Variants in MRTFB observed in about 807,000 individuals in gnomAD.
MRTFB encodes the protein myocardin related transcription factor B, also known as myocardin-related transcription factor B.
MRTFB carries 29 observed loss-of-function variants against 104.2 expected under a neutral mutation model. The observed-to-expected ratio is 0.28, with a 90% confidence interval of 0.21 to 0.38. The LOEUF is 0.38. Ranked by LOEUF, MRTFB falls within the 10% of genes least tolerant of loss-of-function variation. MRTFB has a pLI of 1.00. For synonymous variants in MRTFB, 535 were observed against 519.5 expected (o/e 1.03, Z -0.41); for missense variants, 1,270 against 1,341.6 (o/e 0.95, Z 0.83).
chr16:14,120,501 G>C (rs1019317760), intron 2 of MRTFB, among the ~76,000 whole-genome samples: 1 of 152,158 alleles, frequency 6.6e-6, no homozygotes, highest in African/African-American at 2.4e-5. Context: ...TTTTCCACGT[G>C]AGTAAACTGG....
the MRTFB span, among the ~76,000 whole-genome samples, chr16:14,038,506 G>C: frequency 6.6e-6 from 1 of 152,150 alleles, no homozygotes; most frequent in South Asian, 2.1e-4. Flanking sequence ...CAATCTTTCT[G>C]ATTACATGAG....
chr16:14,090,320 C>A (rs1016351909), intron 2 of MRTFB, among the ~76,000 whole-genome samples: 2 of 152,218 alleles, frequency 1.3e-5, no homozygotes. Flanking sequence ...ATTCTCAGCT[C>A]ATTCAATGTG....
the MRTFB span, among the ~76,000 whole-genome samples, chr16:14,038,592 C>T: frequency 1.3e-5 from 2 of 152,292 alleles, no homozygotes; most frequent in South Asian, 2.1e-4. Context: ...GGTGAGTGGG[C>T]CTCAGACACA....
At chr16:14,183,873 C>T (rs1355419924) in intron 3 of MRTFB, among the ~76,000 whole-genome samples, 2 of 151,752 alleles carry the variant, frequency 1.3e-5, no homozygotes, top group Non-Finnish European at 2.9e-5. Flanking sequence ...CTATTAGATA[C>T]AAAAATAAGC....
At chr16:13,994,949 G>A in the MRTFB span, among the ~76,000 whole-genome samples, 1 of 152,160 alleles carries the variant, frequency 6.6e-6, no homozygotes, top group African/African-American at 2.4e-5. Flanking sequence ...GGGTGGGCTT[G>A]AAACCCAGAC....
At chr16:14,119,358 A>G (rs908782702) in intron 2 of MRTFB, among the ~76,000 whole-genome samples, 5 of 152,194 alleles carry the variant, frequency 3.3e-5, no homozygotes, top group African/African-American at 1.2e-4. Flanking sequence ...AGTAGGTTAT[A>G]GTTTGTTTAT....
intron 8 of MRTFB, among the ~76,000 whole-genome samples, chr16:14,227,462 G>T (rs890417590): frequency 2.6e-5 from 4 of 152,096 alleles, no homozygotes; most frequent in Non-Finnish European, 5.9e-5. Flanking sequence ...ACAATCTGCA[G>T]AATCGTGAGC....
chr16:14,214,288 C>A (rs145159518), intron 6 of MRTFB, among the ~76,000 whole-genome samples: 1 of 152,134 alleles, frequency 6.6e-6, no homozygotes, highest in East Asian at 1.9e-4. Flanking sequence ...GCTTCTCCAA[C>A]GAATTTATTA....
chr16:14,158,009 A>G (rs2038889492), intron 3 of MRTFB, among the ~76,000 whole-genome samples: 1 of 152,194 alleles, frequency 6.6e-6, no homozygotes, highest in Non-Finnish European at 1.5e-5. Context: ...ATGTTTTCCA[A>G]TAGAATTTTT....
At chr16:14,169,984 C>G (rs2039369771) in intron 3 of MRTFB, among the ~76,000 whole-genome samples, 1 of 152,030 alleles carries the variant, frequency 6.6e-6, no homozygotes, top group Non-Finnish European at 1.5e-5. Context: ...TTATAAAATT[C>G]AGAGTGACAA....
chr16:14,075,283 C>A (rs573824272), intron 1 of MRTFB, among the ~76,000 whole-genome samples: 4 of 152,192 alleles, frequency 2.6e-5, no homozygotes, highest in African/African-American at 9.7e-5. Flanking sequence ...AGACCCTTTG[C>A]GTACCTTCTT....
chr16:14,067,079 G>A (rs761424473), upstream of MRTFB, among the ~76,000 whole-genome samples: 13 of 152,216 alleles, frequency 8.5e-5, no homozygotes, highest in East Asian at 1.9e-4. Flanking sequence ...ACAGGGAGCC[G>A]CTCACATTGA....
chr16:14,153,092 T>TG (rs2038695532), intron 3 of MRTFB: 2 of 152,114 alleles, frequency 1.3e-5, no homozygotes, highest in Non-Finnish European at 2.9e-5. Flanking sequence ...GTCTCCTTAG[T>TG]GGAAAAAAAA....
chr16:14,255,894 C>T (rs942070535), intron 15 of MRTFB, among the ~76,000 whole-genome samples: 28 of 151,798 alleles, frequency 1.8e-4, no homozygotes, highest in African/African-American at 6.8e-4. Context: ...GGGAGGATTG[C>T]TTGAACCTAG....
At chr16:14,028,566 C>T in the MRTFB span, among the ~76,000 whole-genome samples, 2 of 152,180 alleles carry the variant, frequency 1.3e-5, no homozygotes, top group African/African-American at 2.4e-5. Context: ...GCCCCTTCTC[C>T]CACACATCTC....
At chr16:14,246,057 CCT>C (rs113372044) in intron 11 of MRTFB, among the ~76,000 whole-genome samples, 7,286 of 152,216 alleles carry the variant, frequency 0.048, 418 homozygotes, top group African/African-American at 0.14. Context: ...AGTGCTTCAG[CCT>C]CTCTCTTCTT....
intron 15 of MRTFB, 55 bp from the exon 16 acceptor site, chr16:14,258,045 AT>A: frequency 2.1e-6 from 3 of 1,452,650 alleles, no homozygotes; most frequent in Non-Finnish European, 2.9e-6. Context: ...TGCTAATTAT[AT>A]AATGCTTCCA....
intron 1 of MRTFB, among the ~76,000 whole-genome samples, chr16:14,071,833 G>T (rs888808452): frequency 2.0e-5 from 3 of 152,198 alleles, no homozygotes; most frequent in African/African-American, 7.2e-5. Flanking sequence ...ACTCCCCTCA[G>T]CCCTTTTCTC....
At chr16:14,107,505 A>G (rs1410305437) in intron 2 of MRTFB, among the ~76,000 whole-genome samples, 1 of 152,186 alleles carries the variant, frequency 6.6e-6, no homozygotes, top group South Asian at 2.1e-4. Flanking sequence ...ACCAGATACA[A>G]GGTTTAAGAA....
Sources: allele counts gnomAD v4.1 joint callset (sites outside exome capture counted in the v4.1 genomes callset), GRCh38; gene constraint gnomAD v4.1.1; transcripts MANE v1.5; gene names NCBI Gene and HGNC (gene_info 2026-07-23, HGNC 2026-07-21).